Variants in MED12 observed in about 807,000 individuals in gnomAD.
The protein encoded by MED12 is mediator of RNA polymerase II transcription subunit 12.
MED12 carries 10 observed loss-of-function variants against 177.7 expected under a neutral mutation model. That is an observed-to-expected ratio of 0.06 (90% CI 0.03 to 0.10). The LOEUF is 0.10. Among genes scored for constraint, MED12 ranks in the 10% least tolerant of loss-of-function variants. The pLI is 1.00. For missense variants in MED12, 867 were observed against 1,780.8 expected, an observed-to-expected ratio of 0.49 and a Z score of 9.23; for synonymous variants, 641 against 678.4, an observed-to-expected ratio of 0.94 and a Z score of 0.86.
intron 37 of MED12, 67 bp downstream of exon 37, chrX:71,136,722 G>A (rs899401278): frequency 3.8e-5 from 45 of 1,190,465 alleles, no homozygotes; most frequent in Non-Finnish European, 5.0e-5. Flanking sequence ...TTTCTGGTTT[G>A]TGGGAGGGGT....
rs1379132010 is a variant in MED12, at chrX:71,119,269, C to T, written c.100-104C>T. On this transcript the variant is annotated intron_variant, in intron 1 of 44. Coordinates refer to ENST00000374080, the MANE Select transcript of MED12 (RefSeq NM_005120.3). ...ACGATCTGTTCTACACGGAACCCTC[C>T]TCCTGCCCTTTCACCTTGTTCCTTC... is the stretch of plus-strand genomic sequence containing the variant. 5.2e-6 allele frequency: 3 copies of T among 578,364 alleles called. No homozygotes were observed. In the Admixed American group the frequency reaches 8.0e-5, roughly 15 times the overall value. 47.7% of individuals were successfully genotyped at this position (578,364 alleles called of 1,213,427 possible). A position where few individuals can be genotyped will look rare whatever the true frequency, so the allele number is the denominator to read the frequency against.
In MED12 at chrX:71,128,374, T is replaced by G. The variant is rs1167877198; in HGVS notation, c.3288T>G (p.Leu1096=). The stretch of plus-strand genomic sequence containing the variant: ...TGAGTGCAGAATGGCTAGGAGTGCT[T>G]AAGGCCTTGTGCTGCTCCTCTAACA... ...KSLSAEWLGV[L]KALCCSSNNG... The change falls in exon 23 of 45, where the codon CTT becomes CTG. Residue 1096 remains leucine (L), a synonymous_variant. Coordinates refer to ENST00000374080, the MANE Select transcript of MED12 (RefSeq NM_005120.3). 1.2e-5 allele frequency: 14 copies of G among 1,209,520 alleles called. No individual in the cohort carries two copies. Among genetic ancestry groups the G allele is most frequent in the Non-Finnish European group, 1.6e-5 (14 of 895,094 alleles).
chrX:71,119,423 T>G lies in MED12; in HGVS notation c.150T>G (p.Ala50=). 1.7e-6 allele frequency: 2 copies of G among 1,202,315 alleles called. No individual in the cohort carries two copies. The highest frequency in any genetic ancestry group is 2.2e-6 in the Non-Finnish European group (2 of 889,979). ...AACAAGGTTTCAATAACCAGCCTGCTGTCTCTGGGGATGAGCATGGCAGTG... is the reference window on the plus strand; with the variant it reads ...AACAAGGTTTCAATAACCAGCCTGCGGTCTCTGGGGATGAGCATGGCAGTG... ...NVKQGFNNQP[A]VSGDEHGSAK... Residue 50 remains alanine (A), a synonymous_variant, in exon 2 of 45, where the codon GCT becomes GCG. Coordinates refer to ENST00000374080, the MANE Select transcript of MED12 (RefSeq NM_005120.3).
chrX:71,125,789 A>C, intron 17 of MED12, 76 bp downstream of exon 17: 1 of 930,075 alleles, frequency 1.1e-6, no homozygotes, highest in Non-Finnish European at 1.5e-6. Context: ...CCCTGTACAT[A>C]TTCCTTTAAG....
intron 41 of MED12, among the ~76,000 whole-genome samples, chrX:71,139,221 T>C (rs949935174): frequency 8.9e-6 from 1 of 112,060 alleles, no homozygotes; most frequent in Middle Eastern, 4.2e-3. Flanking sequence ...GTAATATCTG[T>C]GGGCCTGACT....
chrX:71,126,300 TC>T, intron 18 of MED12, 40 bp from the exon 19 acceptor site: 2 of 1,208,959 alleles, frequency 1.7e-6, no homozygotes, highest in Non-Finnish European at 2.2e-6. Context: ...CCTGGTTCTT[TC>T]CTCTCTCCAC....
rs1418565228 is a variant in MED12, at chrX:71,137,216, G to A, written c.5581G>A (p.Val1861Met). 1 of 1,211,966 alleles carries A rather than the reference G, an allele frequency of 8.3e-7. No homozygotes were observed. The change falls in exon 39 of 45, where the codon GTG becomes ATG. Residue 1861 changes from valine (V) to methionine (M), a missense_variant. By Grantham distance (21) the Val-to-Met change is conservative. Around this residue, in one of 14 missense-constraint regions of MED12, gnomAD observed 236 missense variants for 345.2 expected, o/e 0.68. Transcript: ENST00000374080. ...GGPRVDPYRPVRLPMQKLPTR... is the reference protein window; with the variant it reads ...GGPRVDPYRPMRLPMQKLPTR... ...CCCTCGTGTGGACCCATACCGTCCT[G>A]TGCGCTTACCAATGCAGAAGCTGCC...
intron 23 of MED12, 72 bp downstream of exon 23, chrX:71,128,512 A>G (rs1471083938): frequency 3.3e-6 from 4 of 1,207,303 alleles, no homozygotes; most frequent in Non-Finnish European, 4.5e-6. Flanking sequence ...TCCTCTGACC[A>G]GGGACAGAGT....
At chrX:71,124,630 G>A in intron 13 of MED12, 134 bp from the exon 14 acceptor site, 1 of 566,056 alleles carries the variant, frequency 1.8e-6, no homozygotes, top group Non-Finnish European at 3.0e-6. Context: ...TTAAGTGATT[G>A]GATGAGGCTT....
Position 71,125,409 on chromosome X carries a change from A to G in MED12, c.2285A>G (p.Lys762Arg). 1 of 1,210,793 alleles carries G rather than the reference A, an allele frequency of 8.3e-7. No homozygotes were observed. The highest frequency in any genetic ancestry group is 1.1e-6 in the Non-Finnish European group (1 of 895,139). Residue 762 changes from lysine (K) to arginine (R), a missense_variant, in exon 16 of 45, where the codon AAG becomes AGG. By Grantham distance (26) the Lys-to-Arg change is conservative. Around this residue, in one of 14 missense-constraint regions of MED12, gnomAD observed 309 missense variants for 556.3 expected, o/e 0.56. Coordinates refer to ENST00000374080, the MANE Select transcript of MED12 (RefSeq NM_005120.3). The part of the protein sequence containing the change: ...QRLVVLFGVG[K>R]QRDDARHAIK... ...TTGGTCGTACTGTTTGGGGTGGGAA[A>G]GCAGCGAGATGATGCCCGCCATGCC...
chrX:71,124,770 G>C lies in MED12; in HGVS notation c.1981G>C (p.Gly661Arg). 3.3e-6 allele frequency: 4 copies of C among 1,208,791 alleles called. No individual in the cohort carries two copies. The highest frequency in any genetic ancestry group is 3.4e-6 in the Non-Finnish European group (3 of 893,141). ...GSSSSKLEDP[G>R]LSESMDIDPS... ...TTATGTTCTATGCCCTCAGGATCCA[G>C]GGCTCTCAGAATCTATGGACATTGA... The change falls in exon 14 of 45, where the codon GGG becomes CGG. Residue 661 changes from glycine (G) to arginine (R), a missense_variant. Physicochemically the swap from Gly to Arg is moderately radical, Grantham distance 125 (BLOSUM62 -2). Transcript: ENST00000374080.
chrX:71,125,114 G>A lies in MED12; in HGVS notation c.2194G>A (p.Val732Met), dbSNP rs750304793. The A allele has an allele frequency of 1.1e-5, 13 of 1,208,818 alleles. No individual in the cohort carries two copies. The South Asian group carries it at 1.2e-4, about 11-fold the overall frequency. Residue 732 changes from valine to methionine, a missense_variant, in exon 15 of 45, where the codon GTG becomes ATG. By Grantham distance (21) the Val-to-Met change is conservative. Coordinates refer to ENST00000374080, the MANE Select transcript of MED12 (RefSeq NM_005120.3). ...GGTTCTTTACGACCAGCCACGACAC[G>A]TGCAGTACGCCACCCATTTTCCCAT... is the stretch of plus-strand genomic sequence containing the variant. Reference protein sequence around the residue: ...LGVLYDQPRHVQYATHFPIPQ... With the variant: ...LGVLYDQPRHMQYATHFPIPQ...
In MED12 at chrX:71,122,606, A is replaced by T. The variant is rs2147784257; in HGVS notation, c.1347A>T (p.Ala449=). ...TCGATAAATGCCAGGAAGCTACTGC[A>T]GGTATGTGTCAGAGAACAGATAATA... ...WSFDKCQEAT[A]GFTIGRVLHT... The change falls in exon 9 of 45, where the codon GCA becomes GCT. Residue 449 remains alanine, a splice_region_variant and synonymous_variant. Transcript: ENST00000374080. The T allele has an allele frequency of 8.3e-7, 1 of 1,204,952 alleles. No homozygotes were observed. The highest frequency in any genetic ancestry group is 1.1e-6 in the Non-Finnish European group (1 of 889,065).
chrX:71,128,842 G>C, intron 24 of MED12, 124 bp downstream of exon 24: 1 of 894,744 alleles, frequency 1.1e-6, no homozygotes, highest in Non-Finnish European at 1.6e-6. Context: ...TCCTCAGAAG[G>C]CCAGTCCTTT....
rs200279192 is a variant in MED12, at chrX:71,137,219, C to T, written c.5584C>T (p.Arg1862Cys). 5.0e-6 allele frequency: 6 copies of T among 1,212,000 alleles called. No homozygotes were observed. The highest frequency in any genetic ancestry group is 6.7e-6 in the Non-Finnish European group (6 of 895,526). ...TCGTGTGGACCCATACCGTCCTGTG[C>T]GCTTACCAATGCAGAAGCTGCCCAC... ...GPRVDPYRPVRLPMQKLPTRP... is the reference protein window; with the variant it reads ...GPRVDPYRPVCLPMQKLPTRP... Residue 1862 changes from arginine (R) to cysteine (C), a missense_variant, in exon 39 of 45, where the codon CGC becomes TGC. Around this residue, in one of 14 missense-constraint regions of MED12, gnomAD observed 236 missense variants for 345.2 expected, o/e 0.68. Coordinates refer to ENST00000374080, the MANE Select transcript of MED12 (RefSeq NM_005120.3).
chrX:71,134,259 A>G (rs1262324496), intron 33 of MED12, 98 bp from the exon 34 acceptor site: 5 of 456,546 alleles, frequency 1.1e-5, no homozygotes, highest in African/African-American at 2.6e-5. Context: ...AAACTCAAGC[A>G]TGAACTCAGG....
chrX:71,133,293 G>T lies in MED12; in HGVS notation c.4617+81G>T. Reference sequence around the variant, plus strand: ...GCAAAAGCCTCAGGTTGGGGAGAATGGGGGTAAGGATAGAGGCCCCAGGTT... The same window carrying T: ...GCAAAAGCCTCAGGTTGGGGAGAATTGGGGTAAGGATAGAGGCCCCAGGTT... On this transcript the variant is annotated intron_variant, in intron 33 of 44. Coordinates refer to ENST00000374080, the MANE Select transcript of MED12 (RefSeq NM_005120.3). 5.8e-6 allele frequency: 4 copies of T among 689,625 alleles called. No homozygotes were observed. The South Asian group carries it at 8.6e-5, about 15-fold the overall frequency. The allele number at this position is 689,625 out of a possible 1,213,427, so 56.8% of individuals were successfully genotyped here. A position where few individuals can be genotyped will look rare whatever the true frequency, so the allele number is the denominator to read the frequency against.
intron 3 of MED12, 34 bp from the exon 4 acceptor site, chrX:71,119,980 A>G: frequency 8.3e-7 from 1 of 1,210,742 alleles, no homozygotes; most frequent in South Asian, 1.8e-5. Flanking sequence ...TCATGGGGAT[A>G]ATAGAGACCT....
intron 41 of MED12, 92 bp from the exon 42 acceptor site, chrX:71,140,543 A>G (rs1292628686): frequency 5.9e-5 from 71 of 1,203,142 alleles, no homozygotes; most frequent in Non-Finnish European, 7.6e-5. Context: ...TAACCTGCTA[A>G]CGTTTCTTTC....
Sources: allele counts gnomAD v4.1 joint callset (sites outside exome capture counted in the v4.1 genomes callset), GRCh38; gene constraint gnomAD v4.1.1; regional missense constraint gnomAD v4.1.1; transcripts MANE v1.5; gene names NCBI Gene and HGNC (gene_info 2026-07-23, HGNC 2026-07-21).